AIM2: variants seen among roughly 807,000 people sequenced by gnomAD.
AIM2 encodes absent in melanoma 2, also known as interferon-inducible protein AIM2.
AIM2 carries 30 observed loss-of-function variants against 27.7 expected under a neutral mutation model. That is an observed-to-expected ratio of 1.08 (90% confidence interval 0.81 to 1.47). The LOEUF (loss-of-function observed/expected upper bound fraction) is 1.47, where lower values mean the gene tolerates loss of function less well. Ranked by LOEUF, AIM2 falls within the 40% of genes most tolerant of loss-of-function variation. AIM2 has a pLI of 0.00. For synonymous variants in AIM2, 141 were observed against 145.3 expected, an observed-to-expected ratio of 0.97 and a Z score of 0.21; for missense variants, 358 against 411.3, an observed-to-expected ratio of 0.87 and a Z score of 1.12.
the AIM2 span, among the ~76,000 whole-genome samples, chr1:159,056,484 G>T: frequency 1.3e-5 from 2 of 151,856 alleles, no homozygotes; most frequent in Admixed American, 6.6e-5. Flanking sequence ...GTGCTGTTTC[G>T]GCAAAACAGC....
chr1:159,123,848 A>C (rs913815266), intron 1 of AIM2, among the ~76,000 whole-genome samples: 20 of 152,246 alleles, frequency 1.3e-4, no homozygotes, highest in Non-Finnish European at 2.6e-4. Flanking sequence ...TAGTCAAAAG[A>C]AGACTGTAGT....
chr1:159,058,806 T>C (rs191669282), downstream of AIM2, among the ~76,000 whole-genome samples: 201 of 152,012 alleles, frequency 1.3e-3, no homozygotes, highest in African/African-American at 4.7e-3. Flanking sequence ...ACATGAAGCA[T>C]GAGGAGGGCA....
rs188536366 is a variant in AIM2, at chr1:159,074,760, G to A, written c.-20-1241C>T. On this transcript the variant is annotated intron_variant, in intron 1 of 5. Transcript: ENST00000368130. ...AAACTACAAAGTACATAAGAACATC[G>A]AATACAATATATTTAAGAGTTTTAA... Among the ~76,000 whole-genome samples the A allele has an allele frequency of 1.0e-3, 157 of 151,988 alleles. 1 individual carries two copies. Among genetic ancestry groups the A allele is most frequent in the African/African-American group, 3.4e-3 (143 of 41,482 alleles).
chr1:159,108,917 TC>T, intron 1 of AIM2, among the ~76,000 whole-genome samples: 1 of 152,164 alleles, frequency 6.6e-6, no homozygotes, highest in South Asian at 2.1e-4. Context: ...TGGAAACACA[TC>T]CCATGCTCAG....
chr1:159,137,194 A>T (rs1452194756), intron 1 of AIM2, among the ~76,000 whole-genome samples: 1 of 152,190 alleles, frequency 6.6e-6, no homozygotes, highest in East Asian at 1.9e-4. Context: ...GCCCCTCAGA[A>T]GTGGTTTGAA....
chr1:159,145,233 G>A (rs1189043711), upstream of AIM2, among the ~76,000 whole-genome samples: 1 of 152,126 alleles, frequency 6.6e-6, no homozygotes, highest in Non-Finnish European at 1.5e-5. Context: ...TTAAGGAAGG[G>A]TAAAATGGAC....
chr1:159,144,537 A>G (rs145225365), upstream of AIM2, among the ~76,000 whole-genome samples: 33 of 152,280 alleles, frequency 2.2e-4, no homozygotes, highest in Non-Finnish European at 4.6e-4. Context: ...ACTCAAAATG[A>G]TTGAAGCCAG....
At chr1:159,146,595 T>G (rs1242765642) in intron 1 of AIM2, among the ~76,000 whole-genome samples, 1 of 152,132 alleles carries the variant, frequency 6.6e-6, no homozygotes, top group Non-Finnish European at 1.5e-5. Context: ...CTGTGTAATC[T>G]CTATAATGCC....
chr1:159,120,749 G>A (rs1476467535), intron 1 of AIM2, among the ~76,000 whole-genome samples: 1 of 152,148 alleles, frequency 6.6e-6, no homozygotes, highest in African/African-American at 2.4e-5. Context: ...TGGAAGGAAA[G>A]GCTGGTTATG....
chr1:159,061,566 T>TC (rs1391600404), downstream of AIM2, among the ~76,000 whole-genome samples: 2 of 144,678 alleles, frequency 1.4e-5, no homozygotes, highest in Admixed American at 1.4e-4. Flanking sequence ...CTATTTTTTT[T>TC]TTTTTTTTTT....
rs770126540 is a variant in AIM2 at position 159,063,484 on chromosome 1, A to T, written c.1005+2T>A. 4 of 1,608,638 alleles carry T rather than the reference A, an allele frequency of 2.5e-6. No homozygotes were observed. The highest frequency in any genetic ancestry group is 2.5e-6 in the Non-Finnish European group (3 of 1,178,282). ...GTTGACTTTGTTCCATGCAGTTCCCACCTTTATGGTGCTATGAACTCCAGA... is the reference window on the plus strand; with the variant it reads ...GTTGACTTTGTTCCATGCAGTTCCCTCCTTTATGGTGCTATGAACTCCAGA... On this transcript the variant is annotated splice_donor_variant, in intron 5 of 5. Transcript: ENST00000368130. LOFTEE classifies it high-confidence loss of function.
intron 1 of AIM2, among the ~76,000 whole-genome samples, chr1:159,090,914 AT>A (rs147063398): frequency 0.042 from 6,347 of 152,258 alleles, 313 homozygotes; most frequent in African/African-American, 0.12. Flanking sequence ...AGTTTCAAAG[AT>A]TCCACCTCAA....
At chr1:159,117,282 G>T (rs1570974482) in intron 1 of AIM2, among the ~76,000 whole-genome samples, 1 of 152,144 alleles carries the variant, frequency 6.6e-6, no homozygotes, top group Non-Finnish European at 1.5e-5. Context: ...AGTTCACAAA[G>T]AATGTAGCTT....
At chr1:159,139,773 G>T (rs868564358) in intron 1 of AIM2, among the ~76,000 whole-genome samples, 1 of 152,066 alleles carries the variant, frequency 6.6e-6, no homozygotes, top group Non-Finnish European at 1.5e-5. Context: ...ACACATACCC[G>T]CCCTGTTTCC....
chr1:159,110,063 T>C (rs1161777710), intron 1 of AIM2, among the ~76,000 whole-genome samples: 1 of 152,184 alleles, frequency 6.6e-6, no homozygotes, highest in African/African-American at 2.4e-5. Context: ...ACTGGGTATC[T>C]ACCCAGAAGA....
In AIM2 at chr1:159,071,521, T is replaced by C. The variant is rs895122270; in HGVS notation, c.262+1717A>G. ...CATACTTTGTGTTTTGTTGTTGTTG[T>C]TGTTTGAGACAGGGTCTCACTGTTG... is the stretch of plus-strand genomic sequence containing the variant. On this transcript the variant is annotated intron_variant, in intron 2 of 5. Transcript: ENST00000368130. Among the ~76,000 whole-genome samples the C allele has an allele frequency of 5.3e-5, 8 of 152,350 alleles. No individual in the cohort carries two copies. The East Asian group carries it at 1.5e-3, about 29-fold the overall frequency.
At chr1:159,101,470 C>T (rs1657311020) in intron 1 of AIM2, among the ~76,000 whole-genome samples, 1 of 152,150 alleles carries the variant, frequency 6.6e-6, no homozygotes, top group Non-Finnish European at 1.5e-5. Context: ...GGTACTGAGA[C>T]AGTGGGGCAC....
At chr1:159,123,146 C>T (rs899771324) in intron 1 of AIM2, among the ~76,000 whole-genome samples, 24 of 152,118 alleles carry the variant, frequency 1.6e-4, no homozygotes, top group African/African-American at 5.1e-4. Flanking sequence ...CTAATAAAAT[C>T]TCTGTCATTA....
Position 159,129,316 on chromosome 1 carries a change from T to C in AIM2, c.-16+11115A>G, listed in dbSNP as rs558681413. Among the ~76,000 whole-genome samples, 64 of 152,322 alleles carry C rather than the reference T, an allele frequency of 4.2e-4. No individual in the cohort carries two copies. The South Asian group carries it at 6.0e-3, about 14-fold the overall frequency. ...ACTTTGACAGAATAAATCTCTGTAA[T>C]TTCTGAGGCACCCAGTTTGGGGAAA... On this transcript the variant is annotated intron_variant, in intron 1 of 2. Transcript: ENST00000368129.
Sources: gnomAD v4.1 joint callset for allele counts (sites outside exome capture counted in the v4.1 genomes callset) on GRCh38, gnomAD v4.1.1 for gene constraint, MANE v1.5 for transcripts, NCBI Gene and HGNC (gene_info 2026-07-23, HGNC 2026-07-21) for gene names.